NRP1: variants seen among roughly 807,000 people sequenced by gnomAD.
NRP1 encodes neuropilin-1.
A neutral mutation model predicts 106.7 loss-of-function variants in NRP1; 35 were observed. The observed-to-expected ratio is 0.33, with a 90% CI of 0.25 to 0.43. NRP1 has a LOEUF of 0.43. Among genes scored for constraint, NRP1 ranks in the 20% least tolerant of loss-of-function variants. NRP1 has a pLI of 1.00. For missense variants in NRP1, 1,024 were observed against 1,170.4 expected (o/e 0.87, Z 1.83); for synonymous variants, 437 against 417.9 (o/e 1.05, Z -0.56).
intron 2 of NRP1, among the ~76,000 whole-genome samples, chr10:33,305,877 T>C (rs769203362): frequency 1.3e-5 from 2 of 152,134 alleles, no homozygotes; most frequent in Non-Finnish European, 1.5e-5. Context: ...CAAGAGATTC[T>C]TCTGCCTCAG....
chr10:33,232,638 C>CTTTTTTTTT (rs71030049), intron 6 of NRP1, among the ~76,000 whole-genome samples: 4 of 94,212 alleles, frequency 4.2e-5, no homozygotes, highest in Admixed American at 2.5e-4. Context: ...TTTTCTTTTC[C>CTTTTTTTTT]TTTTTTTTTT....
chr10:33,237,687 T>C lies in NRP1; in HGVS notation c.982-11398A>G, dbSNP rs762109060. Among the ~76,000 whole-genome samples, 3 of 150,280 alleles carry C rather than the reference T, an allele frequency of 2.0e-5. No homozygotes were observed. In the Admixed American group the frequency reaches 2.0e-4, roughly 10 times the overall value. On this transcript the variant is annotated intron_variant, in intron 6 of 16. Coordinates refer to ENST00000374867, the MANE Select transcript of NRP1 (RefSeq NM_003873.7). ...TCCACCTCTTGAGTTCAAGTGATTA[T>C]AGTCGCTGGGACTACAGGGGTGTGT... is the stretch of plus-strand genomic sequence containing the variant.
At chr10:33,193,187 C>T (rs1034205473) in intron 12 of NRP1, among the ~76,000 whole-genome samples, 4 of 151,922 alleles carry the variant, frequency 2.6e-5, no homozygotes, top group East Asian at 1.9e-4. Context: ...GAAAAGACAG[C>T]GTGAATGAAT....
At chr10:33,311,573 G>T (rs771115729) in intron 2 of NRP1, among the ~76,000 whole-genome samples, 4 of 152,134 alleles carry the variant, frequency 2.6e-5, no homozygotes, top group African/African-American at 4.8e-5. Context: ...ACAGTGATCG[G>T]CACATACTGG....
chr10:33,220,478 A>G (rs114909736), intron 8 of NRP1, among the ~76,000 whole-genome samples: 1,998 of 152,318 alleles, frequency 0.013, 47 homozygotes, highest in African/African-American at 0.046. Context: ...TAAAGATCAC[A>G]TTGTACAGGT....
chr10:33,321,705 C>T (rs567401251), intron 2 of NRP1, among the ~76,000 whole-genome samples: 1 of 152,288 alleles, frequency 6.6e-6, no homozygotes, highest in Admixed American at 6.5e-5. Flanking sequence ...TAGCGTCCAA[C>T]AGTTAAGAGA....
At chr10:33,246,127 TTTC>T (rs1287848256) in intron 6 of NRP1, among the ~76,000 whole-genome samples, 1 of 134,990 alleles carries the variant, frequency 7.4e-6, no homozygotes, top group Non-Finnish European at 1.6e-5. Context: ...TGGTAATTTC[TTTC>T]TTTTTTTTTT....
rs142106670 is a variant in NRP1, at chr10:33,307,704, C to T, written c.248+23004G>A. Among the ~76,000 whole-genome samples the T allele has an allele frequency of 6.1e-3, 931 of 152,128 alleles. 9 individuals are homozygous for T. The highest frequency in any genetic ancestry group is 9.6e-3 in the Non-Finnish European group (652 of 68,016). ...GATTTATGCATACAGATGTTCATTC[C>T]ATCATAATTTATAATTATTTATAAT... On this transcript the variant is annotated intron_variant, in intron 2 of 16. Coordinates refer to ENST00000374867, the MANE Select transcript of NRP1 (RefSeq NM_003873.7).
At chr10:33,322,869 C>T (rs555300338) in intron 2 of NRP1, among the ~76,000 whole-genome samples, 155 of 152,262 alleles carry the variant, frequency 1.0e-3, no homozygotes, top group Non-Finnish European at 1.6e-3. Flanking sequence ...AAGCTGGTAA[C>T]GTTTCATGAG....
intron 2 of NRP1, among the ~76,000 whole-genome samples, chr10:33,285,956 A>T (rs538145885): frequency 1.3e-5 from 2 of 152,228 alleles, no homozygotes; most frequent in African/African-American, 4.8e-5. Context: ...TGAGTATTCC[A>T]AGTCTTCCTT....
chr10:33,276,976 T>C (rs147834147), intron 2 of NRP1, among the ~76,000 whole-genome samples: 387 of 152,086 alleles, frequency 2.5e-3, no homozygotes, highest in African/African-American at 8.7e-3. Flanking sequence ...TATGGTGGCT[T>C]GTGCTGTAGT....
At chr10:33,209,873 GC>G in intron 9 of NRP1, among the ~76,000 whole-genome samples, 1 of 152,358 alleles carries the variant, frequency 6.6e-6, no homozygotes, top group South Asian at 2.1e-4. Context: ...TTAATATGAT[GC>G]AAATTGGGCT....
chr10:33,188,768 A>T (rs566014190), intron 13 of NRP1, among the ~76,000 whole-genome samples: 1 of 151,314 alleles, frequency 6.6e-6, no homozygotes, highest in Non-Finnish European at 1.5e-5. Context: ...TAGCTCCTAC[A>T]TAGCTGTAGT....
rs529913964 is a variant in NRP1 at position 33,192,338 on chromosome 10, C to A, written c.2005G>T (p.Val669Leu). ...TFCHWEHDNH[V>L]QLKWSVLTSK... The stretch of plus-strand genomic sequence containing the variant: ...GTCAACACACTCCACTTGAGCTGCA[C>A]GTGATTGTCATGTTCCCAGTGGCAG... Residue 669 changes from valine (V) to leucine (L), a missense_variant, in exon 13 of 17, where the codon GTG becomes TTG. By Grantham distance (32) the Val-to-Leu change is conservative. Transcript: ENST00000374867. The A allele has an allele frequency of 3.7e-6, 6 of 1,613,812 alleles. No homozygotes were observed. In the African/African-American group the frequency reaches 4.0e-5, roughly 11 times the overall value.
intron 2 of NRP1, among the ~76,000 whole-genome samples, chr10:33,298,455 C>G (rs1346506289): frequency 1.3e-5 from 2 of 152,110 alleles, no homozygotes; most frequent in African/African-American, 4.8e-5. Flanking sequence ...AATGTTCTAA[C>G]CATATAGAGT....
rs1478636150 is a variant in NRP1 at position 33,179,096 on chromosome 10, C to T, written c.*980G>A. On this transcript the variant is annotated 3_prime_UTR_variant, in exon 17 of 17. Coordinates refer to ENST00000374867, the MANE Select transcript of NRP1 (RefSeq NM_003873.7). ...TAAGAGAGAATATTGTAGCTTTATA[C>T]AAAAGGGTCAAGAAACATGAAATTG... The T allele has an allele frequency of 1.3e-5, 2 of 152,566 alleles. No homozygotes were observed. Among genetic ancestry groups the T allele is most frequent in the African/African-American group, 2.4e-5 (1 of 41,436 alleles). The allele number at this position is 152,566 out of a possible 1,614,324, so 9.5% of individuals were successfully genotyped here. A position where few individuals can be genotyped will look rare whatever the true frequency, so the allele number is the denominator to read the frequency against.
At chr10:33,202,017 C>A (rs553892686) in intron 11 of NRP1, 1 of 152,152 alleles carries the variant, frequency 6.6e-6, no homozygotes, top group Admixed American at 6.5e-5. Flanking sequence ...ATTATGTGGG[C>A]TCTCCGAGTC....
intron 2 of NRP1, among the ~76,000 whole-genome samples, chr10:33,281,228 T>C (rs1368260390): frequency 1.3e-5 from 2 of 152,046 alleles, no homozygotes; most frequent in Non-Finnish European, 2.9e-5. Context: ...TTTTGTACTT[T>C]TAGTAGAGAC....
intron 2 of NRP1, among the ~76,000 whole-genome samples, chr10:33,314,511 G>C (rs982222245): frequency 6.6e-6 from 1 of 152,242 alleles, no homozygotes; most frequent in Non-Finnish European, 1.5e-5. Flanking sequence ...AAGTGTAAGA[G>C]AGTAACATTG....
Sources: allele counts gnomAD v4.1 joint callset (sites outside exome capture counted in the v4.1 genomes callset), GRCh38; gene constraint gnomAD v4.1.1; transcripts MANE v1.5; gene names NCBI Gene and HGNC (gene_info 2026-07-23, HGNC 2026-07-21).